MLXIP: variants seen among roughly 807,000 people sequenced by gnomAD.
MLXIP encodes the protein MLX interacting protein, also known as MLX-interacting protein.
Under a neutral mutation model 87.2 loss-of-function variants are expected in MLXIP, and 30 were observed. The ratio of observed to expected loss-of-function variants is 0.34; its 90% CI spans 0.26 to 0.47. MLXIP has a LOEUF of 0.47. Ranked by LOEUF, MLXIP falls within the 20% of genes least tolerant of loss-of-function variation. The probability of loss-of-function intolerance (pLI) is 1.00; values close to 1 mark genes in which losing one functional copy is unlikely to be tolerated. For missense variants in MLXIP, 1,002 were observed against 1,240.1 expected, an observed-to-expected ratio of 0.81 and a Z score of 2.88; for synonymous variants, 530 against 514.0, an observed-to-expected ratio of 1.03 and a Z score of -0.42.
intron 1 of MLXIP, among the ~76,000 whole-genome samples, chr12:122,103,844 T>G (rs374837345): frequency 0.5 from 74,671 of 148,676 alleles, 19,130 homozygotes; most frequent in Middle Eastern, 0.63. Flanking sequence ...TTGTTTGTTT[T>G]TTTTTTTTTT....
chr12:122,093,400 G>T (rs1952279661), intron 1 of MLXIP, among the ~76,000 whole-genome samples: 1 of 146,394 alleles, frequency 6.8e-6, no homozygotes, highest in Admixed American at 6.8e-5. Flanking sequence ...GTGGTTATGT[G>T]TGTGGTGTGT....
intron 1 of MLXIP, among the ~76,000 whole-genome samples, chr12:122,117,685 TA>T (rs1215049937): frequency 1.3e-5 from 2 of 152,220 alleles, no homozygotes; most frequent in Non-Finnish European, 2.9e-5. Flanking sequence ...TTTGAAAAAG[TA>T]ATACAGTAGT....
At chr12:122,097,516 A>T (rs1238789056) in intron 1 of MLXIP, among the ~76,000 whole-genome samples, 1 of 151,526 alleles carries the variant, frequency 6.6e-6, no homozygotes, top group Non-Finnish European at 1.5e-5. Flanking sequence ...GCTGCTCAGG[A>T]GGCTGAGGCG....
Position 122,133,631 on chromosome 12 carries a change from C to T in MLXIP, c.1376C>T (p.Ala459Val). 6.2e-7 allele frequency: 1 copy of T among 1,612,868 alleles called. No individual in the cohort carries two copies. Among genetic ancestry groups the T allele is most frequent in the Non-Finnish European group, 8.5e-7 (1 of 1,179,568 alleles). ...CCATTAGTTCCTCCTCCTGCCACTG[C>T]CCTGAACCCCCCGGCTCCACCCACC... ...VLPLVPPPAT[A>V]LNPPAPPTFH... Residue 459 changes from alanine (A) to valine (V), a missense_variant, in exon 9 of 17, where the codon GCC becomes GTC. Ala to Val is a moderately conservative substitution (Grantham distance 64). Transcript: ENST00000319080. This position sits in a 1 kb window ranked among gnomAD's most constrained non-coding sequence, Gnocchi z 4.9.
intron 6 of MLXIP, 67 bp from the exon 7 acceptor site, chr12:122,130,777 C>T: frequency 9.0e-7 from 1 of 1,116,542 alleles, no homozygotes; most frequent in Non-Finnish European, 1.4e-6. Flanking sequence ...CTGTTCCAGG[C>T]CTTTTTTACG....
intron 7 of MLXIP, among the ~76,000 whole-genome samples, chr12:122,131,959 C>T (rs1952988811): frequency 8.2e-6 from 1 of 121,490 alleles, no homozygotes; most frequent in Non-Finnish European, 1.6e-5. Flanking sequence ...GAATCTCGCT[C>T]TGTCATCAGG....
intron 1 of MLXIP, 97 bp downstream of exon 1, chr12:122,079,363 A>G: frequency 4.6e-6 from 5 of 1,081,506 alleles, no homozygotes; most frequent in Admixed American, 2.3e-5. Flanking sequence ...CCGTGGCTTC[A>G]TGCATTCCCT....
intron 1 of MLXIP, among the ~76,000 whole-genome samples, chr12:122,119,836 G>A (rs895282792): frequency 6.6e-6 from 1 of 152,206 alleles, no homozygotes; most frequent in Non-Finnish European, 1.5e-5. Flanking sequence ...CTTCCTAGGA[G>A]TGGGCTTGTG....
At position 122,110,893 on chromosome 12, in the gene MLXIP, T is replaced by C. The variant is rs529686506; in HGVS notation, c.414-16363T>C. ...GAGATCGAGACCATCCTGGCTAACA[T>C]GGTGAAACCCCGTCTCTACTAAAAA... On this transcript the variant is annotated intron_variant, in intron 1 of 16. Transcript: ENST00000319080. 2.6e-3 allele frequency among the ~76,000 whole-genome samples: 397 copies of C among 151,972 alleles called. 2 individuals carry two copies. Among genetic ancestry groups the C allele is most frequent in the African/African-American group, 7.4e-3 (308 of 41,462 alleles).
intron 1 of MLXIP, among the ~76,000 whole-genome samples, chr12:122,105,245 C>T (rs1018685140): frequency 4.6e-5 from 7 of 152,162 alleles, no homozygotes; most frequent in Non-Finnish European, 8.8e-5. Context: ...TGTGGAGCTC[C>T]TTACACCTTA....
At chr12:122,141,594 C>T in intron 16 of MLXIP, 97 bp from the exon 17 acceptor site, 1 of 1,541,768 alleles carries the variant, frequency 6.5e-7, no homozygotes, top group Non-Finnish European at 8.8e-7. Flanking sequence ...TCGCCCCGTG[C>T]CTGAGCATTC....
At chr12:122,087,982 G>A (rs1362783413) in intron 1 of MLXIP, among the ~76,000 whole-genome samples, 3 of 152,324 alleles carry the variant, frequency 2.0e-5, no homozygotes, top group East Asian at 1.9e-4. Context: ...GGCAAGGAGC[G>A]GTCAGCTGTG....
chr12:122,109,313 C>T (rs2135939265), intron 1 of MLXIP, among the ~76,000 whole-genome samples: 1 of 152,360 alleles, frequency 6.6e-6, no homozygotes, highest in Middle Eastern at 3.4e-3. Flanking sequence ...AAGTGATCCG[C>T]CCGCCTTGGC....
At chr12:122,122,478 C>T (rs542785667) in intron 1 of MLXIP, among the ~76,000 whole-genome samples, 3 of 152,360 alleles carry the variant, frequency 2.0e-5, no homozygotes, top group Non-Finnish European at 4.4e-5. Context: ...ATCCTCCCAC[C>T]TCAGCCTTCC....
chr12:122,140,855 C>T lies in MLXIP; in HGVS notation c.2509-99C>T, dbSNP rs776010480. 4.5e-6 allele frequency: 7 copies of T among 1,571,710 alleles called. No individual in the cohort carries two copies. The Admixed American group carries it at 1.2e-4, about 26-fold the overall frequency. On this transcript the variant is annotated intron_variant, in intron 15 of 16. Transcript: ENST00000319080. ...TCCATTCTCTGTGGGCAGATACTTT[C>T]CAGCCCCAGGGGAAAGGAGTACGCC...
chr12:122,113,907 G>A (rs939921850), intron 1 of MLXIP, among the ~76,000 whole-genome samples: 14 of 150,066 alleles, frequency 9.3e-5, no homozygotes, highest in Admixed American at 5.3e-4. Flanking sequence ...GGATGGTCTC[G>A]AACTCCTGAC....
At chr12:122,129,271 G>T (rs771977918) in intron 4 of MLXIP, 45 bp downstream of exon 4, 6 of 1,512,154 alleles carry the variant, frequency 4.0e-6, no homozygotes, top group Admixed American at 1.9e-5. Context: ...GGAGGGAGTG[G>T]GCAGAGTCCC....
chr12:122,083,715 A>G (rs1952124951), intron 1 of MLXIP, among the ~76,000 whole-genome samples: 1 of 152,162 alleles, frequency 6.6e-6, no homozygotes, highest in South Asian at 2.1e-4. Context: ...GGCCCGGCTA[A>G]CCCTTCATTC....
intron 1 of MLXIP, among the ~76,000 whole-genome samples, chr12:122,098,523 G>A (rs925490918): frequency 1.3e-5 from 2 of 152,198 alleles, no homozygotes; most frequent in Non-Finnish European, 2.9e-5. Context: ...CCCAGTAGGC[G>A]ACCCATGGCT....
Sources: gnomAD v4.1 joint callset for allele counts (sites outside exome capture counted in the v4.1 genomes callset) on GRCh38, gnomAD v4.1.1 for gene constraint, Gnocchi (gnomAD v3.1) non-coding constraint, MANE v1.5 for transcripts, NCBI Gene and HGNC (gene_info 2026-07-23, HGNC 2026-07-21) for gene names.